The following SLA2 variants were observed in gnomAD, a reference collection of about 807,000 sequenced individuals.
SLA2 encodes the protein Src like adaptor 2.
Under a neutral mutation model 27.3 loss-of-function variants are expected in SLA2, and 22 were observed. The observed-to-expected ratio is 0.81, with a 90% CI of 0.58 to 1.15. SLA2 has a LOEUF of 1.15. SLA2 is among the 50% of genes most tolerant of loss of function. SLA2 has a pLI of 0.00. For missense variants in SLA2, 304 were observed against 322.2 expected (o/e 0.94, Z 0.43); for synonymous variants, 131 against 137.8 (o/e 0.95, Z 0.34).
chr20:36,640,673 T>A (rs1200658264), intron 2 of SLA2, among the ~76,000 whole-genome samples: 2 of 152,010 alleles, frequency 1.3e-5, no homozygotes, highest in African/African-American at 4.8e-5. Flanking sequence ...CCCACCACCA[T>A]GACCGGCTAA....
At chr20:36,620,883 T>A in intron 5 of SLA2, 1 of 258,562 alleles carries the variant, frequency 3.9e-6, no homozygotes, top group South Asian at 4.8e-5. Context: ...TACCACACTG[T>A]TAATGGGCAT....
chr20:36,634,785 CAGAG>C (rs113633781), intron 2 of SLA2, among the ~76,000 whole-genome samples, 196 bp from the exon 3 acceptor site: 24 of 147,058 alleles, frequency 1.6e-4, no homozygotes, highest in South Asian at 2.2e-4. Context: ...TGACAGTGCC[CAGAG>C]AGAGAGAGAG....
chr20:36,637,879 GCCT>G (rs1568609666), intron 2 of SLA2, among the ~76,000 whole-genome samples: 2 of 143,988 alleles, frequency 1.4e-5, no homozygotes, highest in South Asian at 2.2e-4. Flanking sequence ...GCCTGCCTCG[GCCT>G]CTTTTTTTTT....
intron 2 of SLA2, among the ~76,000 whole-genome samples, chr20:36,640,263 C>T (rs986763536): frequency 3.9e-5 from 6 of 152,084 alleles, no homozygotes; most frequent in African/African-American, 9.7e-5. Flanking sequence ...AGCTTCACTG[C>T]ACTCCAGCCT....
intron 5 of SLA2, among the ~76,000 whole-genome samples, chr20:36,616,552 C>G (rs540489878): frequency 8.1e-4 from 124 of 152,190 alleles, no homozygotes; most frequent in Non-Finnish European, 1.2e-3. Context: ...CCAGGCTGGT[C>G]TCGAACTCTT....
chr20:36,633,535 G>A lies in SLA2; in HGVS notation c.278+8C>T. 2 of 1,612,626 alleles carry A rather than the reference G, an allele frequency of 1.2e-6. No individual in the cohort carries two copies. Among genetic ancestry groups the A allele is most frequent in the Non-Finnish European group, 1.7e-6 (2 of 1,178,636 alleles). ...GCTCTGCAAGGCGGGCCTGGGGTGGGAACTCACCCATGGGAGACTTTGGCC... is the reference window on the plus strand; with the variant it reads ...GCTCTGCAAGGCGGGCCTGGGGTGGAAACTCACCCATGGGAGACTTTGGCC... On this transcript the variant is annotated splice_region_variant and intron_variant, in intron 4 of 7. Coordinates refer to ENST00000262866, the MANE Select transcript of SLA2 (RefSeq NM_032214.4).
At chr20:36,618,276 C>G (rs1397667518) in intron 5 of SLA2, among the ~76,000 whole-genome samples, 2 of 151,800 alleles carry the variant, frequency 1.3e-5, no homozygotes, top group African/African-American at 4.8e-5. Context: ...CAATAGAATT[C>G]AAAAGACTGG....
chr20:36,613,197 G>T lies in SLA2; in HGVS notation c.*669C>A, dbSNP rs1423736647. The T allele has an allele frequency of 6.6e-6, 1 of 152,516 alleles. No individual in the cohort carries two copies. Among genetic ancestry groups the T allele is most frequent in the Non-Finnish European group, 1.5e-5 (1 of 68,190 alleles). The allele number at this position is 152,516 out of a possible 1,614,324, so 9.4% of individuals were successfully genotyped here. On this transcript the variant is annotated 3_prime_UTR_variant, in exon 8 of 8. Transcript: ENST00000262866. ...ATCGTGCCATTGCACTCCAGCATGGGCAACAGGGCAAGACTCCGTCTCAAA... is the reference window on the plus strand; with the variant it reads ...ATCGTGCCATTGCACTCCAGCATGGTCAACAGGGCAAGACTCCGTCTCAAA...
At position 36,612,865 on chromosome 20, in the gene SLA2, G is replaced by A. The variant is rs1349002729; in HGVS notation, c.*1001C>T. The A allele has an allele frequency of 1.3e-5, 2 of 154,780 alleles. No homozygotes were observed. The highest frequency in any genetic ancestry group is 6.3e-5 in the Admixed American group (1 of 15,874). 9.6% of individuals were successfully genotyped at this position (154,780 alleles called of 1,614,324 possible). A position where few individuals can be genotyped will look rare whatever the true frequency, so the allele number is the denominator to read the frequency against. On this transcript the variant is annotated 3_prime_UTR_variant, in exon 8 of 8. Transcript: ENST00000262866. ...ACTTAAGAGGTGTTATTTTTTATTC[G>A]GCCACAAGATGGCAAGGCCAGTGTG...
chr20:36,614,574 A>G (rs922220387), intron 6 of SLA2, 137 bp from the exon 7 acceptor site: 8 of 1,444,826 alleles, frequency 5.5e-6, no homozygotes, highest in African/African-American at 2.9e-5. Context: ...GCCCCAAGCT[A>G]TTGGTTTCAT....
At chr20:36,638,441 G>A (rs2039474994) in intron 2 of SLA2, among the ~76,000 whole-genome samples, 1 of 151,958 alleles carries the variant, frequency 6.6e-6, no homozygotes, top group Non-Finnish European at 1.5e-5. Context: ...CAGTTCTCCT[G>A]TCTCAGCCTC....
chr20:36,621,297 A>G (rs1421980751), intron 5 of SLA2: 1 of 607,314 alleles, frequency 1.6e-6, no homozygotes, highest in Non-Finnish European at 3.2e-6. Context: ...ATTATAGTGG[A>G]CAACAGCAAT....
chr20:36,622,226 A>C (rs2147981968), intron 5 of SLA2, among the ~76,000 whole-genome samples: 1 of 151,120 alleles, frequency 6.6e-6, no homozygotes, highest in African/African-American at 2.4e-5. Flanking sequence ...AAAAAAAAAA[A>C]ATTAGCTGGG....
At chr20:36,635,719 T>A (rs2039438165) in intron 2 of SLA2, among the ~76,000 whole-genome samples, 1 of 152,010 alleles carries the variant, frequency 6.6e-6, no homozygotes. Flanking sequence ...GATGCACACC[T>A]TGTGATGGGT....
intron 5 of SLA2, among the ~76,000 whole-genome samples, chr20:36,624,835 G>A (rs566092565): frequency 6.6e-6 from 1 of 152,314 alleles, no homozygotes; most frequent in African/African-American, 2.4e-5. Flanking sequence ...GTGCTGTGGG[G>A]CACACAGGTC....
Position 36,626,197 on chromosome 20 carries a change from T to G in SLA2, c.382+6398A>C, listed in dbSNP as rs534215879. 9.5e-4 allele frequency among the ~76,000 whole-genome samples: 144 copies of G among 151,824 alleles called. 1 individual carries two copies. The highest frequency in any genetic ancestry group is 3.4e-3 in the African/African-American group (140 of 41,392). Reference sequence around the variant, plus strand: ...TCACAAGGTCAAGAGATCAAGACCATCCTGGCCAACATGGTGAAACCCTGT... The same window carrying G: ...TCACAAGGTCAAGAGATCAAGACCAGCCTGGCCAACATGGTGAAACCCTGT... On this transcript the variant is annotated intron_variant, in intron 5 of 7. Coordinates refer to ENST00000262866, the MANE Select transcript of SLA2 (RefSeq NM_032214.4).
At chr20:36,627,112 A>G (rs1252943753) in intron 5 of SLA2, among the ~76,000 whole-genome samples, 1 of 152,148 alleles carries the variant, frequency 6.6e-6, no homozygotes, top group Non-Finnish European at 1.5e-5. Context: ...GGGTATGTGT[A>G]AGGATGCAGC....
chr20:36,617,541 A>T (rs1361440772), intron 5 of SLA2, among the ~76,000 whole-genome samples: 65 of 146,036 alleles, frequency 4.5e-4, no homozygotes, highest in Non-Finnish European at 1.1e-4. Flanking sequence ...CTCAAAAAAA[A>T]AAAAAAAAAA....
chr20:36,633,596 G>T lies in SLA2; in HGVS notation c.225C>A (p.Val75=), dbSNP rs2039414467. 1 of 1,613,952 alleles carries T rather than the reference G, an allele frequency of 6.2e-7. No homozygotes were observed. The highest frequency in any genetic ancestry group is 1.3e-5 in the African/African-American group (1 of 74,924). Residue 75 remains valine, a synonymous_variant, in exon 4 of 8, where the codon GTC becomes GTA. Coordinates refer to ENST00000262866, the MANE Select transcript of SLA2 (RefSeq NM_032214.4). ...DGDWWTVLSE[V]SGREYNIPSV... ...TGGGGATGTTATACTCTCTGCCTGA[G>T]ACTTCAGACAGCACCGTCCACCAGT...
Sources: allele counts gnomAD v4.1 joint callset (sites outside exome capture counted in the v4.1 genomes callset), GRCh38; gene constraint gnomAD v4.1.1; transcripts MANE v1.5; gene names NCBI Gene and HGNC (gene_info 2026-07-23, HGNC 2026-07-21).